The following KCNMA1 variants were observed in gnomAD, a reference collection of about 807,000 sequenced individuals.
KCNMA1 encodes the protein Calcium-activated potassium channel subunit alpha-1.
KCNMA1 carries 29 observed loss-of-function variants against 140.0 expected under a neutral mutation model. The ratio of observed to expected loss-of-function variants is 0.21; its 90% confidence interval spans 0.15 to 0.28. KCNMA1 has a LOEUF of 0.28. Among genes scored for constraint, KCNMA1 ranks in the 10% least tolerant of loss-of-function variants. The pLI, the probability that KCNMA1 is intolerant of heterozygous loss-of-function variation, is 1.00. For missense variants in KCNMA1, 880 were observed against 1,602.2 expected, an observed-to-expected ratio of 0.55 and a Z score of 7.70; for synonymous variants, 612 against 611.9, an observed-to-expected ratio of 1.00 and a Z score of 0.00.
chr10:77,204,054 T>G (rs1003522715), intron 3 of KCNMA1, among the ~76,000 whole-genome samples: 1 of 146,464 alleles, frequency 6.8e-6, no homozygotes, highest in African/African-American at 2.6e-5. Flanking sequence ...CAAGATCACA[T>G]CACTGCATTC....
At position 76,949,570 on chromosome 10, in the gene KCNMA1, TA is replaced by T. The variant is rs1248212499; in HGVS notation, c.2485-205del. On this transcript the variant is annotated intron_variant, in intron 21 of 27. Transcript: ENST00000286628. ...GTGTATATGTATTATATTTTTGTAA[TA>T]AATCTGTCCAAATGTATAGCCATAC... The T allele has an allele frequency of 1.3e-5, 8 of 607,320 alleles. No homozygotes were observed. In the East Asian group the frequency reaches 2.2e-4, roughly 17 times the overall value. 37.6% of individuals were successfully genotyped at this position (607,320 alleles called of 1,614,324 possible).
At chr10:77,447,014 C>T (rs1276989403) in intron 1 of KCNMA1, among the ~76,000 whole-genome samples, 1 of 152,194 alleles carries the variant, frequency 6.6e-6, no homozygotes, top group Non-Finnish European at 1.5e-5. Flanking sequence ...AGATGTGCTG[C>T]CCCCAACCTC....
intron 2 of KCNMA1, among the ~76,000 whole-genome samples, chr10:77,329,606 A>C (rs1013688834): frequency 6.6e-6 from 1 of 152,226 alleles, no homozygotes; most frequent in Admixed American, 6.5e-5. Flanking sequence ...ACAGCAGCTC[A>C]AATGAACTAA....
rs11002176 is a variant in KCNMA1 at position 77,478,576 on chromosome 10, C to T, written c.379-74553G>A. ...GAAATTCAGGCCCAGAACAATTAAC[C>T]GGCCCACAGTGTTACTCCAAGCCAG... On this transcript the variant is annotated intron_variant, in intron 1 of 27. Coordinates refer to ENST00000286628, the MANE Select transcript of KCNMA1 (RefSeq NM_001161352.2). Among the ~76,000 whole-genome samples the T allele has an allele frequency of 3.6e-4, 55 of 152,258 alleles. No homozygotes were observed. In the East Asian group the frequency reaches 6.9e-3, roughly 19 times the overall value.
intron 2 of KCNMA1, among the ~76,000 whole-genome samples, chr10:77,252,976 T>C (rs1253612252): frequency 6.6e-6 from 1 of 152,044 alleles, no homozygotes; most frequent in Non-Finnish European, 1.5e-5. Flanking sequence ...CTGCCTCACC[T>C]CAACCCCTCC....
intron 3 of KCNMA1, among the ~76,000 whole-genome samples, chr10:77,245,356 T>C (rs1456057687): frequency 2.0e-5 from 3 of 152,170 alleles, no homozygotes; most frequent in Non-Finnish European, 4.4e-5. Flanking sequence ...CACAGTCCTT[T>C]ACAGTTTAAA....
chr10:77,546,114 G>T (rs902395278), intron 1 of KCNMA1, among the ~76,000 whole-genome samples: 3 of 152,216 alleles, frequency 2.0e-5, no homozygotes, highest in East Asian at 3.8e-4. Flanking sequence ...CAGGGAGTCA[G>T]TCAAAAGCCA....
chr10:77,424,215 A>G (rs1303031808), intron 1 of KCNMA1, among the ~76,000 whole-genome samples: 2 of 152,266 alleles, frequency 1.3e-5, no homozygotes, highest in African/African-American at 4.8e-5. Context: ...AGTGCTTTGC[A>G]GCAGATTTGT....
intron 1 of KCNMA1, among the ~76,000 whole-genome samples, chr10:77,585,549 G>C (rs1366310152): frequency 6.6e-6 from 1 of 152,160 alleles, no homozygotes; most frequent in Non-Finnish European, 1.5e-5. Context: ...AGAAATGTTT[G>C]TAACCCTTCC....
intron 14 of KCNMA1, among the ~76,000 whole-genome samples, chr10:77,051,059 T>A (rs1400446441): frequency 6.6e-6 from 1 of 152,058 alleles, no homozygotes; most frequent in Admixed American, 6.5e-5. Flanking sequence ...AGAAGCAATA[T>A]CATGACTATA....
At chr10:77,541,377 C>T (rs2060148884) in intron 1 of KCNMA1, among the ~76,000 whole-genome samples, 1 of 152,018 alleles carries the variant, frequency 6.6e-6, no homozygotes, top group African/African-American at 2.4e-5. Context: ...ACTAGTGTAA[C>T]ATGTAATTAA....
At chr10:77,063,697 C>T in intron 14 of KCNMA1, 2 of 977,292 alleles carry the variant, frequency 2.0e-6, no homozygotes, top group Non-Finnish European at 2.4e-6. Context: ...ATATTTTATT[C>T]CTTATGGCTT....
At chr10:77,356,094 T>C (rs548283278) in intron 2 of KCNMA1, among the ~76,000 whole-genome samples, 1 of 152,324 alleles carries the variant, frequency 6.6e-6, no homozygotes, top group African/African-American at 2.4e-5. Flanking sequence ...TATGTAACTA[T>C]AAACACAGAG....
intron 3 of KCNMA1, among the ~76,000 whole-genome samples, chr10:77,211,243 TA>T (rs1017562456): frequency 6.6e-6 from 1 of 151,674 alleles, no homozygotes; most frequent in African/African-American, 2.4e-5. Context: ...ATGGTATTGG[TA>T]AAAAAAACAG....
intron 19 of KCNMA1, among the ~76,000 whole-genome samples, chr10:76,980,861 G>A (rs1315335272): frequency 6.6e-6 from 1 of 152,188 alleles, no homozygotes; most frequent in African/African-American, 2.4e-5. Flanking sequence ...GAGAGGTTAA[G>A]AGTTAACCAC....
chr10:77,506,742 T>TG (rs2046203042), intron 1 of KCNMA1, among the ~76,000 whole-genome samples: 4 of 48,538 alleles, frequency 8.2e-5, no homozygotes, highest in South Asian at 6.3e-4. Context: ...GTGTGTGTGT[T>TG]TGTTAGAGAG....
At chr10:77,427,103 T>G (rs966778770) in intron 1 of KCNMA1, among the ~76,000 whole-genome samples, 3 of 152,226 alleles carry the variant, frequency 2.0e-5, no homozygotes, top group Non-Finnish European at 4.4e-5. Flanking sequence ...AATTTCTGAG[T>G]GCAGTGCACA....
intron 1 of KCNMA1, among the ~76,000 whole-genome samples, chr10:77,512,384 T>C (rs7902210): frequency 0.33 from 49,718 of 152,026 alleles, 9,058 homozygotes; most frequent in East Asian, 0.53. Flanking sequence ...CACAGTCACA[T>C]GACTTTTATT....
intron 2 of KCNMA1, among the ~76,000 whole-genome samples, chr10:77,400,637 A>G (rs1425428353): frequency 6.6e-6 from 1 of 152,246 alleles, no homozygotes; most frequent in Non-Finnish European, 1.5e-5. Context: ...ATGTTTTTAG[A>G]CAAATAATTG....
Sources: allele counts gnomAD v4.1 joint callset (sites outside exome capture counted in the v4.1 genomes callset), GRCh38; gene constraint gnomAD v4.1.1; transcripts MANE v1.5; gene names NCBI Gene and HGNC (gene_info 2026-07-23, HGNC 2026-07-21).